The following ZAP70 variants were observed in gnomAD, a reference collection of about 807,000 sequenced individuals.
ZAP70 encodes the protein zeta chain of T cell receptor associated protein kinase 70, also known as tyrosine-protein kinase ZAP-70.
In ZAP70, 27 loss-of-function variants were observed where a neutral mutation model predicts 65.8. The ratio of observed to expected loss-of-function variants is 0.41; its 90% CI spans 0.30 to 0.57. The LOEUF is 0.57. Ranked by LOEUF, ZAP70 falls within the 20% of genes least tolerant of loss-of-function variation. The pLI, the probability that ZAP70 is intolerant of heterozygous loss-of-function variation, is 0.28. For missense variants in ZAP70, 696 were observed against 870.5 expected (o/e 0.80, Z 2.52); for synonymous variants, 363 against 360.8 (o/e 1.01, Z -0.07).
chr2:97,739,730 G>A lies in ZAP70; in HGVS notation c.*232G>A, dbSNP rs1678069438. 3 of 648,406 alleles carry A rather than the reference G, an allele frequency of 4.6e-6. No homozygotes were observed. The highest frequency in any genetic ancestry group is 2.8e-5 in the East Asian group (1 of 35,560). 40.2% of individuals were successfully genotyped at this position (648,406 alleles called of 1,614,324 possible). ...CGGCTGTGCAGCCTGTCCTGGGCTG[G>A]TGGCTCCCGGAGGGCCCTGAGCTGA... is the stretch of plus-strand genomic sequence containing the variant. On this transcript the variant is annotated 3_prime_UTR_variant, in exon 14 of 14. Transcript: ENST00000264972.
chr2:97,717,958 G>A (rs1677004643), intron 2 of ZAP70, among the ~76,000 whole-genome samples: 1 of 152,182 alleles, frequency 6.6e-6, no homozygotes, highest in African/African-American at 2.4e-5. Context: ...CCCCGTGGCT[G>A]CTCTGCTGTG....
downstream of ZAP70, among the ~76,000 whole-genome samples, chr2:97,744,728 G>A (rs1453605573): frequency 6.6e-6 from 1 of 152,180 alleles, no homozygotes; most frequent in Non-Finnish European, 1.5e-5. Flanking sequence ...TGCAAAGTCT[G>A]TTCATTGGGG....
chr2:97,746,850 T>A, the ZAP70 span, among the ~76,000 whole-genome samples: 79,593 of 152,032 alleles, frequency 0.52, 21,492 homozygotes, highest in African/African-American at 0.6. Context: ...AACATCCAAC[T>A]TATATAAAGA....
rs56156227 is a variant in ZAP70 at position 97,725,062 on chromosome 2, C to G, written c.403-30C>G. The G allele has an allele frequency of 7.0e-5, 113 of 1,612,874 alleles. 1 individual carries two copies. Among genetic ancestry groups the G allele is most frequent in the Middle Eastern group, 3.3e-4 (2 of 6,060 alleles). On this transcript the variant is annotated intron_variant, in intron 3 of 13. Transcript: ENST00000264972. ...TCCTGTGGCGAGCACTTGGCCACAC[C>G]TACAGACCTCCTCGCCTCTCCTTTT...
In ZAP70 at chr2:97,735,244, G is replaced by A. The variant is rs754964070; in HGVS notation, c.1083-6G>A. 2 of 1,613,744 alleles carry A rather than the reference G, an allele frequency of 1.2e-6. No homozygotes were observed. The highest frequency in any genetic ancestry group is 1.1e-5 in the South Asian group (1 of 91,082). On this transcript the variant is annotated splice_region_variant and splice_polypyrimidine_tract_variant and intron_variant, in intron 9 of 13. Transcript: ENST00000264972. ...CCCACGTGCCTCCCGTGGCCGGGTC[G>A]GGCAGGAAGCAGATCGACGTGGCCA...
chr2:97,716,208 G>T (rs1269762254), intron 2 of ZAP70, among the ~76,000 whole-genome samples: 1 of 152,104 alleles, frequency 6.6e-6, no homozygotes, highest in Admixed American at 6.5e-5. Context: ...CTCCTCTCCC[G>T]CCATCCTCCA....
chr2:97,726,505 T>A (rs972350788), intron 4 of ZAP70, among the ~76,000 whole-genome samples: 26 of 152,256 alleles, frequency 1.7e-4, no homozygotes, highest in African/African-American at 6.0e-4. Flanking sequence ...GCCCAGCAGA[T>A]CCCTTGGGTC....
At chr2:97,723,689 C>T (rs1329381520) in intron 2 of ZAP70, among the ~76,000 whole-genome samples, 1 of 152,254 alleles carries the variant, frequency 6.6e-6, no homozygotes, top group Non-Finnish European at 1.5e-5. Context: ...ATCCCCAGCA[C>T]CGGGCCTGAA....
chr2:97,726,105 T>C (rs1677379539), intron 4 of ZAP70, among the ~76,000 whole-genome samples: 1 of 152,084 alleles, frequency 6.6e-6, no homozygotes, highest in African/African-American at 2.4e-5. Context: ...TTAATACGTG[T>C]GAATCGAGAG....
In ZAP70 at chr2:97,733,539, T is replaced by C. The variant is rs773298062; in HGVS notation, c.838-5T>C. 5.0e-6 allele frequency: 8 copies of C among 1,613,492 alleles called. No individual in the cohort carries two copies. On this transcript the variant is annotated splice_polypyrimidine_tract_variant and splice_region_variant and intron_variant, in intron 7 of 13. Coordinates refer to ENST00000264972, the MANE Select transcript of ZAP70 (RefSeq NM_001079.4). ...CTCAGGCCTTGCTGACCCTGTGGCC[T>C]TTAGCCTCAGAGACGAATCGACACC...
chr2:97,720,530 T>A (rs1677118210), intron 2 of ZAP70, among the ~76,000 whole-genome samples: 1 of 152,204 alleles, frequency 6.6e-6, no homozygotes, highest in African/African-American at 2.4e-5. Context: ...TTTTTGTATC[T>A]TAATGGAGAC....
the ZAP70 span, among the ~76,000 whole-genome samples, chr2:97,747,526 G>A: frequency 6.6e-6 from 1 of 152,198 alleles, no homozygotes; most frequent in African/African-American, 2.4e-5. Context: ...AATCCAGAGA[G>A]ACAGAAGGTA....
rs977549076 is a variant in ZAP70 at position 97,736,652 on chromosome 2, G to A, written c.1290-821G>A. 2.0e-5 allele frequency among the ~76,000 whole-genome samples: 3 copies of A among 152,222 alleles called. No homozygotes were observed. The highest frequency in any genetic ancestry group is 4.4e-5 in the Non-Finnish European group (3 of 68,040). ...TGGGAGTGTTGGGGTGCGAGGTGCAGTGAGCAGGGAGGTTTGAACAAACTG... is the reference window on the plus strand; with the variant it reads ...TGGGAGTGTTGGGGTGCGAGGTGCAATGAGCAGGGAGGTTTGAACAAACTG... On this transcript the variant is annotated intron_variant, in intron 10 of 13. Transcript: ENST00000264972. The surrounding 1 kb of genome is among the most constrained non-coding windows in gnomAD (Gnocchi z 4.0).
At chr2:97,722,637 T>C (rs1677206447) in intron 2 of ZAP70, among the ~76,000 whole-genome samples, 1 of 152,236 alleles carries the variant, frequency 6.6e-6, no homozygotes, top group Admixed American at 6.5e-5. Context: ...TCTTGATCAG[T>C]TGATGAAAAT....
chr2:97,735,118 TC>T, intron 9 of ZAP70, 131 bp from the exon 10 acceptor site: 1 of 1,126,688 alleles, frequency 8.9e-7, no homozygotes, highest in Non-Finnish European at 1.3e-6. Context: ...AGCGCCTTGG[TC>T]CCAGCCTGGG....
chr2:97,721,623 A>G (rs192457690), intron 2 of ZAP70, among the ~76,000 whole-genome samples: 2,164 of 123,486 alleles, frequency 0.018, 66 homozygotes, highest in African/African-American at 0.063. Context: ...TAGTAGAGAC[A>G]GGGTTTCACT....
chr2:97,716,746 C>T (rs1676931840), intron 2 of ZAP70, among the ~76,000 whole-genome samples: 1 of 151,770 alleles, frequency 6.6e-6, no homozygotes, highest in African/African-American at 2.4e-5. Flanking sequence ...TCATGAAGGG[C>T]CTTGGGGGCC....
chr2:97,735,162 G>C (rs562060931), intron 9 of ZAP70, 88 bp from the exon 10 acceptor site: 1 of 1,530,334 alleles, frequency 6.5e-7, no homozygotes, highest in African/African-American at 1.4e-5. Context: ...CACAACTCAA[G>C]GGAGAAGAGA....
At chr2:97,721,138 TAGAA>T (rs1304160092) in intron 2 of ZAP70, among the ~76,000 whole-genome samples, 2 of 152,164 alleles carry the variant, frequency 1.3e-5, no homozygotes, top group Non-Finnish European at 2.9e-5. Flanking sequence ...ATGCAGAAAA[TAGAA>T]AGAATTAACT....
Sources: allele counts gnomAD v4.1 joint callset (sites outside exome capture counted in the v4.1 genomes callset), GRCh38; gene constraint gnomAD v4.1.1; non-coding constraint Gnocchi (gnomAD v3.1); transcripts MANE v1.5; gene names NCBI Gene and HGNC (gene_info 2026-07-23, HGNC 2026-07-21).